Variants in CTNNA2 observed in about 807,000 individuals in gnomAD.
The protein encoded by CTNNA2 is catenin alpha 2, also known as catenin alpha-2.
CTNNA2 carries 42 observed loss-of-function variants against 101.0 expected under a neutral mutation model. That is an observed-to-expected ratio of 0.42 (90% CI 0.32 to 0.54). The LOEUF is 0.54. CTNNA2 is among the 20% of genes least tolerant of loss of function. The pLI is 0.14. For missense variants in CTNNA2, 871 were observed against 1,223.1 expected, an observed-to-expected ratio of 0.71 and a Z score of 4.29; for synonymous variants, 450 against 456.4, an observed-to-expected ratio of 0.99 and a Z score of 0.18.
intron 9 of CTNNA2, among the ~76,000 whole-genome samples, chr2:80,521,038 G>A (rs923369235): frequency 4.6e-5 from 7 of 152,168 alleles, no homozygotes; most frequent in Non-Finnish European, 8.8e-5. Flanking sequence ...GAGATGCACT[G>A]GCCCTCAGTG....
chr2:80,329,580 G>C (rs1023012815), intron 7 of CTNNA2, among the ~76,000 whole-genome samples: 1 of 152,178 alleles, frequency 6.6e-6, no homozygotes, highest in Non-Finnish European at 1.5e-5. Context: ...CGGAAGGGCT[G>C]TGTTAGGATG....
intron 13 of CTNNA2, among the ~76,000 whole-genome samples, chr2:80,576,035 T>TA (rs1172581324): frequency 6.6e-6 from 1 of 152,286 alleles, no homozygotes; most frequent in African/African-American, 2.4e-5. Flanking sequence ...GAGTCTACTT[T>TA]AAAAAATCCC....
intron 1 of CTNNA2, among the ~76,000 whole-genome samples, chr2:79,599,672 T>C (rs1677424204): frequency 6.6e-6 from 1 of 152,176 alleles, no homozygotes; most frequent in Non-Finnish European, 1.5e-5. Flanking sequence ...CCTGGAAGTT[T>C]AGGACATTTG....
chr2:79,378,055 G>A (rs1248183521), intron 4 of CTNNA2, among the ~76,000 whole-genome samples: 49 of 152,088 alleles, frequency 3.2e-4, no homozygotes, highest in Non-Finnish European at 4.4e-5. Context: ...TAAGTCAAAT[G>A]GTATATGTAG....
intron 8 of CTNNA2, among the ~76,000 whole-genome samples, chr2:80,411,830 A>T (rs1409716760): frequency 6.6e-6 from 1 of 152,208 alleles, no homozygotes; most frequent in Non-Finnish European, 1.5e-5. Context: ...TTTGACAGAA[A>T]TAAACAAGTT....
intron 4 of CTNNA2, among the ~76,000 whole-genome samples, chr2:79,392,134 A>C (rs1282692336): frequency 6.6e-6 from 1 of 152,192 alleles, no homozygotes; most frequent in African/African-American, 2.4e-5. Context: ...GAAACAAGTC[A>C]ATCCATAACA....
chr2:79,242,968 A>AG (rs1558584464), intron 2 of CTNNA2, among the ~76,000 whole-genome samples: 7 of 60,344 alleles, frequency 1.2e-4, no homozygotes, highest in African/African-American at 3.5e-4. Flanking sequence ...TCCTGTCTCG[A>AG]AATATATATA....
intron 9 of CTNNA2, among the ~76,000 whole-genome samples, chr2:80,434,747 C>A (rs1381904004): frequency 1.3e-5 from 2 of 151,894 alleles, no homozygotes. Flanking sequence ...AATACTAACA[C>A]TCATTTAAAA....
intron 3 of CTNNA2, among the ~76,000 whole-genome samples, chr2:79,336,315 C>T (rs1309047406): frequency 6.6e-6 from 1 of 152,152 alleles, no homozygotes; most frequent in Non-Finnish European, 1.5e-5. Flanking sequence ...TTGCAATATT[C>T]CTTCGTGTGT....
At chr2:79,466,307 G>A (rs557187478) in intron 4 of CTNNA2, among the ~76,000 whole-genome samples, 1 of 152,316 alleles carries the variant, frequency 6.6e-6, no homozygotes, top group East Asian at 1.9e-4. Flanking sequence ...AGATCGAACT[G>A]CAAGGTGGCA....
intron 7 of CTNNA2, among the ~76,000 whole-genome samples, chr2:80,088,424 G>C (rs1031837343): frequency 2.0e-4 from 31 of 151,942 alleles, no homozygotes; most frequent in African/African-American, 5.8e-4. Flanking sequence ...CCACCTTTTA[G>C]CCTAAGGCTG....
intron 13 of CTNNA2, among the ~76,000 whole-genome samples, chr2:80,575,972 G>T (rs1297472373): frequency 6.6e-6 from 1 of 152,052 alleles, no homozygotes; most frequent in East Asian, 1.9e-4. Context: ...CACCCAAATG[G>T]CTTCATTTTG....
chr2:79,377,665 T>C (rs1677993426), intron 4 of CTNNA2, among the ~76,000 whole-genome samples: 1 of 152,268 alleles, frequency 6.6e-6, no homozygotes, highest in African/African-American at 2.4e-5. Context: ...AAAGGGCATG[T>C]TTGCTTTCAT....
intron 18 of CTNNA2, among the ~76,000 whole-genome samples, chr2:80,624,283 G>A (rs929039431): frequency 6.6e-6 from 1 of 151,968 alleles, no homozygotes; most frequent in Non-Finnish European, 1.5e-5. Flanking sequence ...ATGACTGGAA[G>A]AACCGAACTT....
intron 7 of CTNNA2, among the ~76,000 whole-genome samples, chr2:80,226,492 G>T (rs1708896567): frequency 6.6e-6 from 1 of 152,202 alleles, no homozygotes; most frequent in Non-Finnish European, 1.5e-5. Flanking sequence ...AATTTGTGGG[G>T]CTTCTGCCTA....
intron 4 of CTNNA2, among the ~76,000 whole-genome samples, chr2:79,401,343 T>A (rs548085420): frequency 1.2e-3 from 183 of 151,184 alleles, no homozygotes; most frequent in African/African-American, 3.8e-3. Flanking sequence ...AAATATATAT[T>A]TTTTTAAAAC....
intron 17 of CTNNA2, among the ~76,000 whole-genome samples, chr2:80,614,047 A>G (rs1286295894): frequency 1.3e-5 from 2 of 151,602 alleles, no homozygotes; most frequent in South Asian, 4.1e-4. Flanking sequence ...TGCTCTAATT[A>G]AAAGAAGAAA....
At chr2:80,361,330 C>T (rs981766141) in intron 7 of CTNNA2, among the ~76,000 whole-genome samples, 3 of 152,086 alleles carry the variant, frequency 2.0e-5, no homozygotes, top group African/African-American at 7.2e-5. Flanking sequence ...TTTACTTGTT[C>T]CTCACTTGGG....
chr2:79,551,620 A>G (rs1310548929), intron 1 of CTNNA2, among the ~76,000 whole-genome samples: 2 of 152,192 alleles, frequency 1.3e-5, no homozygotes, highest in Non-Finnish European at 1.5e-5. Context: ...TCAAATTGCT[A>G]TAAAGAATTA....
Sources: allele counts gnomAD v4.1 joint callset (sites outside exome capture counted in the v4.1 genomes callset), GRCh38; gene constraint gnomAD v4.1.1; transcripts MANE v1.5; gene names NCBI Gene and HGNC (gene_info 2026-07-23, HGNC 2026-07-21).